The following MAP3K5 variants were observed in gnomAD, a reference collection of about 807,000 sequenced individuals.
MAP3K5 encodes mitogen-activated protein kinase kinase kinase 5.
In MAP3K5, 56 loss-of-function variants were observed where a neutral mutation model predicts 158.7. The ratio of observed to expected loss-of-function variants is 0.35; its 90% confidence interval spans 0.28 to 0.44. The LOEUF is 0.44. Ranked by LOEUF, MAP3K5 falls within the 20% of genes least tolerant of loss-of-function variation. MAP3K5 has a pLI of 1.00. For missense variants in MAP3K5, 1,294 were observed against 1,674.8 expected (o/e 0.77, Z 3.97); for synonymous variants, 579 against 601.7 (o/e 0.96, Z 0.55).
At chr6:136,743,217 G>A (rs563254920) in intron 1 of MAP3K5, among the ~76,000 whole-genome samples, 4 of 152,334 alleles carry the variant, frequency 2.6e-5, no homozygotes, top group East Asian at 1.9e-4. Flanking sequence ...TTGGGAGGCC[G>A]AGGCGGGTAG....
At chr6:136,578,651 G>C (rs1311146513) in intron 25 of MAP3K5, among the ~76,000 whole-genome samples, 1 of 152,100 alleles carries the variant, frequency 6.6e-6, no homozygotes, top group Non-Finnish European at 1.5e-5. Flanking sequence ...GTGGAGGTGT[G>C]TTCCAGGTAG....
chr6:136,702,396 G>C (rs1243110968), intron 3 of MAP3K5, among the ~76,000 whole-genome samples: 1 of 152,110 alleles, frequency 6.6e-6, no homozygotes, highest in Non-Finnish European at 1.5e-5. Context: ...TTCCCAAGTT[G>C]GCTCACGTGT....
chr6:136,757,357 A>C (rs1783537664), intron 1 of MAP3K5, among the ~76,000 whole-genome samples: 1 of 152,196 alleles, frequency 6.6e-6, no homozygotes, highest in Non-Finnish European at 1.5e-5. Context: ...GAAGTAAGAG[A>C]GTCAGGGCTG....
At chr6:136,577,407 A>G (rs971875666) in intron 25 of MAP3K5, among the ~76,000 whole-genome samples, 1 of 152,252 alleles carries the variant, frequency 6.6e-6, no homozygotes, top group African/African-American at 2.4e-5. Context: ...ATTCTCTTCT[A>G]AAAATTCCAC....
chr6:136,613,025 C>T lies in MAP3K5; in HGVS notation c.2415+95G>A, dbSNP rs1368351290. On this transcript the variant is annotated intron_variant, in intron 17 of 29. Transcript: ENST00000359015. The surrounding 1 kb of genome is among the most constrained non-coding windows in gnomAD (Gnocchi z 4.0). ...TTCTAAGATTTACTTATTCACCATT[C>T]TAAATTAATACTCATAACACAATAT... 1 of 1,170,982 alleles carries T rather than the reference C, an allele frequency of 8.5e-7. No homozygotes were observed. 72.5% of individuals were successfully genotyped at this position (1,170,982 alleles called of 1,614,324 possible).
At chr6:136,565,935 G>A (rs917188489) in intron 26 of MAP3K5, among the ~76,000 whole-genome samples, 15 of 152,180 alleles carry the variant, frequency 9.9e-5, no homozygotes, top group African/African-American at 3.4e-4. Context: ...AGGAAAAAGC[G>A]TAAATGTGTG....
chr6:136,769,810 A>AGGGAGGGAGGGAGGGAGGGG lies in MAP3K5; in HGVS notation c.448+21899_448+21900insCCCCTCCCTCCCTCCCTCCC, dbSNP rs1562691253. ...AAGGAAGGAAGGGAGGGAGGGAGGG[A>AGGGAGGGAGGGAGGGAGGGG]GGGGACGGGAGGGAGGGAGGGAAGG... is the stretch of plus-strand genomic sequence containing the variant. On this transcript the variant is annotated intron_variant, in intron 1 of 29. Transcript: ENST00000359015. 5.4e-3 allele frequency among the ~76,000 whole-genome samples: 142 copies of AGGGAGGGAGGGAGGGAGGGG among 26,298 alleles called. 9 individuals are homozygous for AGGGAGGGAGGGAGGGAGGGG. The highest frequency in any genetic ancestry group is 8.2e-3 in the Non-Finnish European group (119 of 14,590). 17.3% of individuals were successfully genotyped at this position (26,298 alleles called of 152,430 possible).
chr6:136,786,843 C>T (rs1784871225), intron 1 of MAP3K5, among the ~76,000 whole-genome samples: 1 of 134,010 alleles, frequency 7.5e-6, no homozygotes, highest in Non-Finnish European at 1.5e-5. Context: ...CTCATTCTGT[C>T]ACCCAGGCTG....
chr6:136,723,992 T>G (rs574140719), intron 1 of MAP3K5, among the ~76,000 whole-genome samples: 39 of 152,222 alleles, frequency 2.6e-4, no homozygotes, highest in South Asian at 2.1e-4. Context: ...CCACACAGCT[T>G]CCTCCTCCCA....
intron 3 of MAP3K5, among the ~76,000 whole-genome samples, chr6:136,700,460 A>G (rs1287631396): frequency 1.3e-5 from 2 of 152,246 alleles, no homozygotes; most frequent in Admixed American, 6.5e-5. Context: ...ACAGAGTGGT[A>G]TCATTAACAG....
At position 136,622,966 on chromosome 6, in the gene MAP3K5, C is replaced by T. The variant is rs781765627; in HGVS notation, c.2032G>A (p.Asp678Asn). ...AAAACGACTCTGTCACCATTTTCAT[C>T]ATATTCATAGTCATACTACAAAAGG... The part of the protein sequence containing the change: ...SDLLEYDYEY[D>N]ENGDRVVLGK... The change falls in exon 15 of 30, where the codon GAT (aspartate) becomes AAT (asparagine). Residue 678 changes from aspartate (D) to asparagine (N), a missense_variant. By Grantham distance (23) the Asp-to-Asn change is conservative. Around this residue, in one of 5 missense-constraint regions of MAP3K5, gnomAD observed 690 missense variants for 870.5 expected, o/e 0.79. Coordinates refer to ENST00000359015, the MANE Select transcript of MAP3K5 (RefSeq NM_005923.4). 5 of 1,613,954 alleles carry T rather than the reference C, an allele frequency of 3.1e-6. No individual in the cohort carries two copies. The highest frequency in any genetic ancestry group is 3.4e-6 in the Non-Finnish European group (4 of 1,179,934).
At chr6:136,603,148 T>A (rs1251195638) in intron 19 of MAP3K5, among the ~76,000 whole-genome samples, 1 of 151,534 alleles carries the variant, frequency 6.6e-6, no homozygotes, top group Non-Finnish European at 1.5e-5. Flanking sequence ...CCTCATACAC[T>A]CCTCAAAAAG....
Position 136,681,897 on chromosome 6 carries a change from C to T in MAP3K5, c.1253+12243G>A, listed in dbSNP as rs530898649. On this transcript the variant is annotated intron_variant, in intron 7 of 29. Coordinates refer to ENST00000359015, the MANE Select transcript of MAP3K5 (RefSeq NM_005923.4). ...TCGTGCCATTGCACTCCAGCCTGGG[C>T]AACAGAGCAAGACTCTGTTTTAAAA... 6.8e-4 allele frequency among the ~76,000 whole-genome samples: 104 copies of T among 152,136 alleles called. 1 individual carries two copies. Among genetic ancestry groups the T allele is most frequent in the African/African-American group, 1.3e-3 (54 of 41,496 alleles).
chr6:136,705,675 C>T (rs1465807024), intron 2 of MAP3K5, among the ~76,000 whole-genome samples: 1 of 152,128 alleles, frequency 6.6e-6, no homozygotes, highest in Admixed American at 6.5e-5. Context: ...AAAAACAAAA[C>T]AAAGCAAAAC....
chr6:136,593,920 T>C (rs545602605), intron 21 of MAP3K5, among the ~76,000 whole-genome samples: 2 of 152,298 alleles, frequency 1.3e-5, no homozygotes, highest in East Asian at 3.9e-4. Context: ...AGGGGACTCA[T>C]GACATTGGTT....
intron 1 of MAP3K5, among the ~76,000 whole-genome samples, chr6:136,734,520 G>T (rs1782371883): frequency 6.6e-6 from 1 of 151,508 alleles, no homozygotes; most frequent in African/African-American, 2.4e-5. Flanking sequence ...TCCTTGAAAT[G>T]GTTATATTTC....
chr6:136,585,181 T>C (rs1277761316), intron 23 of MAP3K5, among the ~76,000 whole-genome samples: 1 of 145,180 alleles, frequency 6.9e-6, no homozygotes, highest in African/African-American at 2.5e-5. Flanking sequence ...GGCACAATCA[T>C]AGCTCACTGC....
At chr6:136,645,239 T>C (rs1452419619) in intron 11 of MAP3K5, among the ~76,000 whole-genome samples, 1 of 152,190 alleles carries the variant, frequency 6.6e-6, no homozygotes, top group African/African-American at 2.4e-5. Context: ...GGCCTGTAAT[T>C]TCTTGTAATA....
Position 136,715,252 on chromosome 6 carries a change from T to C in MAP3K5, c.588+5198A>G, listed in dbSNP as rs141474986. 1.5e-3 allele frequency among the ~76,000 whole-genome samples: 228 copies of C among 152,138 alleles called. 2 individuals carry two copies. The highest frequency in any genetic ancestry group is 5.1e-3 in the African/African-American group (211 of 41,520). ...AAGCTTTCTAACCACAGCCAGAACA[T>C]AGAAAAAAGACACTAAAAATATTTT... On this transcript the variant is annotated intron_variant, in intron 2 of 29. Transcript: ENST00000359015.
Sources: allele counts gnomAD v4.1 joint callset (sites outside exome capture counted in the v4.1 genomes callset), GRCh38; gene constraint gnomAD v4.1.1; regional missense constraint gnomAD v4.1.1; non-coding constraint Gnocchi (gnomAD v3.1); transcripts MANE v1.5; gene names NCBI Gene and HGNC (gene_info 2026-07-23, HGNC 2026-07-21).